The following NUMB variants were observed in gnomAD, a reference collection of about 807,000 sequenced individuals.
The protein encoded by NUMB is protein numb homolog.
A neutral mutation model predicts 59.7 loss-of-function variants in NUMB; 29 were observed. The observed-to-expected ratio is 0.49, with a 90% CI of 0.36 to 0.66. The LOEUF is 0.66. Among genes scored for constraint, NUMB ranks in the 30% least tolerant of loss-of-function variants. The probability of loss-of-function intolerance (pLI) is 0.00; values close to 1 mark genes in which losing one functional copy is unlikely to be tolerated. For missense variants in NUMB, 723 were observed against 822.0 expected, an observed-to-expected ratio of 0.88 and a Z score of 1.47; for synonymous variants, 288 against 288.2, an observed-to-expected ratio of 1.00 and a Z score of 0.01.
intron 2 of NUMB, among the ~76,000 whole-genome samples, chr14:73,382,763 T>C (rs1895310421): frequency 6.6e-6 from 1 of 152,166 alleles, no homozygotes; most frequent in South Asian, 2.1e-4. Flanking sequence ...ATATATGATG[T>C]TTGACATTCA....
At chr14:73,370,482 G>C (rs1160285688) in intron 2 of NUMB, among the ~76,000 whole-genome samples, 2 of 151,950 alleles carry the variant, frequency 1.3e-5, no homozygotes, top group Non-Finnish European at 2.9e-5. Flanking sequence ...ACCTAAGGTC[G>C]GGAGTTCGAG....
chr14:73,278,603 G>A (rs1056239420), intron 12 of NUMB, among the ~76,000 whole-genome samples: 5 of 138,988 alleles, frequency 3.6e-5, no homozygotes, highest in African/African-American at 1.4e-4. Context: ...AAAATGAAGT[G>A]CTTTTTCTAG....
intron 6 of NUMB, among the ~76,000 whole-genome samples, chr14:73,314,602 G>A (rs1369182004): frequency 4.6e-5 from 7 of 152,190 alleles, no homozygotes; most frequent in South Asian, 2.1e-4. Flanking sequence ...CCAGGCTCCT[G>A]AGTAGCGTGC....
At chr14:73,351,930 G>C (rs1276394388) in intron 4 of NUMB, among the ~76,000 whole-genome samples, 1 of 150,718 alleles carries the variant, frequency 6.6e-6, no homozygotes, top group African/African-American at 2.4e-5. Context: ...GAGCCGAGAT[G>C]GCGCCACTGC....
At chr14:73,398,174 C>A (rs537603586) in intron 2 of NUMB, among the ~76,000 whole-genome samples, 1 of 151,364 alleles carries the variant, frequency 6.6e-6, no homozygotes, top group Non-Finnish European at 1.5e-5. Context: ...AAATTGTTAA[C>A]GGAAAAAAAT....
chr14:73,349,939 C>T (rs1475985781), intron 4 of NUMB, among the ~76,000 whole-genome samples: 1 of 151,948 alleles, frequency 6.6e-6, no homozygotes, highest in African/African-American at 2.4e-5. Flanking sequence ...CCTGTAATCC[C>T]AGCTACTTGA....
intron 5 of NUMB, among the ~76,000 whole-genome samples, chr14:73,319,878 T>C (rs1362500390): frequency 6.6e-6 from 1 of 152,196 alleles, no homozygotes; most frequent in Non-Finnish European, 1.5e-5. Context: ...ATGCCTGTAA[T>C]CCCAGCACTT....
At chr14:73,453,293 C>A (rs949016614) in intron 1 of NUMB, among the ~76,000 whole-genome samples, 1 of 151,706 alleles carries the variant, frequency 6.6e-6, no homozygotes, top group Non-Finnish European at 1.5e-5. Context: ...CCACCACGCC[C>A]GGCTAATTTT....
At chr14:73,372,343 T>A (rs868811449) in intron 2 of NUMB, among the ~76,000 whole-genome samples, 17 of 100,728 alleles carry the variant, frequency 1.7e-4, no homozygotes, top group East Asian at 2.9e-4. Context: ...ATATAACCTT[T>A]TATATATATA....
At chr14:73,352,521 T>C (rs1893434875) in intron 4 of NUMB, among the ~76,000 whole-genome samples, 1 of 24,966 alleles carries the variant, frequency 4.0e-5, no homozygotes, top group Non-Finnish European at 7.5e-5. Flanking sequence ...TATATATATA[T>C]ATATATATGT....
chr14:73,409,538 T>C (rs1035179527), intron 2 of NUMB: 1 of 152,308 alleles, frequency 6.6e-6, no homozygotes, highest in African/African-American at 2.4e-5. Flanking sequence ...CCTCATGCTG[T>C]ATGTTAACAG....
chr14:73,355,719 C>T lies in NUMB; in HGVS notation c.33G>A (p.Lys11=). The change falls in exon 4 of 13, where the codon AAG becomes AAA. Residue 11 remains lysine, a synonymous_variant. Transcript: ENST00000555238. MNKLRQSFRR[K]KDVYVPEASR... ...TGGCCTCTGGAACATAAACATCCTT[C>T]TTTCTCCTAAAACTTTGCCGTAATT... 1 of 1,613,370 alleles carries T rather than the reference C, an allele frequency of 6.2e-7. No individual in the cohort carries two copies. Among genetic ancestry groups the T allele is most frequent in the South Asian group, 1.1e-5 (1 of 91,040 alleles).
At chr14:73,366,411 A>G (rs1447053602) in intron 3 of NUMB, among the ~76,000 whole-genome samples, 1 of 152,238 alleles carries the variant, frequency 6.6e-6, no homozygotes, top group Non-Finnish European at 1.5e-5. Context: ...AGATATTATG[A>G]TAATTTTCTT....
rs151276467 is a variant in NUMB at position 73,455,367 on chromosome 14, G to T, written c.-233+3126C>A. Among the ~76,000 whole-genome samples, 473 of 152,260 alleles carry T rather than the reference G, an allele frequency of 3.1e-3. 3 individuals are homozygous for T. The highest frequency in any genetic ancestry group is 0.011 in the African/African-American group (447 of 41,554). On this transcript the variant is annotated intron_variant, in intron 1 of 12. Transcript: ENST00000555238. ...TCAACTCCTAAATATAAACCATCTA[G>T]CTTTCAATGGAAGAAAAATCAAACC... is the stretch of plus-strand genomic sequence containing the variant.
At chr14:73,424,208 A>G (rs1435578702) in intron 1 of NUMB, among the ~76,000 whole-genome samples, 1 of 152,132 alleles carries the variant, frequency 6.6e-6, no homozygotes, top group Non-Finnish European at 1.5e-5. Context: ...GAAAAATAAA[A>G]AAGAAGAAAC....
intron 5 of NUMB, among the ~76,000 whole-genome samples, chr14:73,318,099 A>G (rs1891184353): frequency 6.6e-6 from 1 of 152,216 alleles, no homozygotes; most frequent in African/African-American, 2.4e-5. Flanking sequence ...TCTGCTGCCA[A>G]GTTTGGTGAC....
At position 73,392,225 on chromosome 14, in the gene NUMB, G is replaced by C. The variant is rs753378729; in HGVS notation, c.-101+17712C>G. Among the ~76,000 whole-genome samples, 139 of 152,160 alleles carry C rather than the reference G, an allele frequency of 9.1e-4. 1 individual carries two copies. The highest frequency in any genetic ancestry group is 9.8e-4 in the Non-Finnish European group (67 of 68,022). ...TGAGAAATACAGGATCAAAGTAAAA[G>C]CCCCTGAAGGTCATTCTTGCCCCTA... On this transcript the variant is annotated intron_variant, in intron 2 of 12. Transcript: ENST00000555238.
chr14:73,317,765 C>G lies in NUMB; in HGVS notation c.202-1343G>C, dbSNP rs556206708. Among the ~76,000 whole-genome samples, 4 of 152,308 alleles carry G rather than the reference C, an allele frequency of 2.6e-5. No individual in the cohort carries two copies. The South Asian group carries it at 8.3e-4, about 32-fold the overall frequency. ...CCAATTAAAATCTGTAGAATTTACACAAATTAGATGGGTTTGAACTCACAC... is the reference window on the plus strand; with the variant it reads ...CCAATTAAAATCTGTAGAATTTACAGAAATTAGATGGGTTTGAACTCACAC... On this transcript the variant is annotated intron_variant, in intron 5 of 12. Transcript: ENST00000555238.
At chr14:73,398,884 G>A (rs944778614) in intron 2 of NUMB, among the ~76,000 whole-genome samples, 4 of 151,798 alleles carry the variant, frequency 2.6e-5, no homozygotes, top group African/African-American at 4.8e-5. Context: ...TCCTTTTCTC[G>A]GTATATACTA....
Sources: gnomAD v4.1 joint callset for allele counts (sites outside exome capture counted in the v4.1 genomes callset) on GRCh38, gnomAD v4.1.1 for gene constraint, MANE v1.5 for transcripts, NCBI Gene and HGNC (gene_info 2026-07-23, HGNC 2026-07-21) for gene names.